The following CCDC40 variants were observed in gnomAD, a reference collection of about 807,000 sequenced individuals.
CCDC40 encodes the protein coiled-coil domain-containing protein 40.
In CCDC40, 104 loss-of-function variants were observed where a neutral mutation model predicts 124.5. The ratio of observed to expected loss-of-function variants is 0.84; its 90% CI spans 0.71 to 0.98. The LOEUF (loss-of-function observed/expected upper bound fraction) is 0.98. Among genes scored for constraint, CCDC40 ranks in the 50% least tolerant of loss-of-function variants. The pLI is 0.00. For missense variants in CCDC40, 1,463 were observed against 1,503.9 expected (o/e 0.97, Z 0.45); for synonymous variants, 580 against 602.9 (o/e 0.96, Z 0.56).
At chr17:80,037,646 C>T (rs1391775770) in intron 1 of CCDC40, among the ~76,000 whole-genome samples, 1 of 137,938 alleles carries the variant, frequency 7.2e-6, no homozygotes, top group Non-Finnish European at 1.5e-5. Flanking sequence ...ATCTATATTC[C>T]TTTGACAGAT....
intron 10 of CCDC40, chr17:80,067,500 A>T: frequency 8.4e-7 from 1 of 1,188,282 alleles, no homozygotes; most frequent in Non-Finnish European, 1.2e-6. Flanking sequence ...TTTTCCATTT[A>T]ACAGCGTGTC....
chr17:80,099,970 C>A lies in CCDC40; in HGVS notation c.*195C>A. 3.2e-6 allele frequency: 2 copies of A among 631,664 alleles called. No individual in the cohort carries two copies. The highest frequency in any genetic ancestry group is 2.8e-5 in the Admixed American group (1 of 35,112). The allele number at this position is 631,664 out of a possible 1,614,324, so 39.1% of individuals were successfully genotyped here. A position where few individuals can be genotyped will look rare whatever the true frequency, so the allele number is the denominator to read the frequency against. On this transcript the variant is annotated 3_prime_UTR_variant, in exon 20 of 20. Transcript: ENST00000397545. ...AGCAATTTAATAAACCAGGTAAAAT[C>A]CTAGCGTTTCCCATGGCATCCCATC...
At chr17:80,090,928 C>A in intron 17 of CCDC40, 1 of 582,944 alleles carries the variant, frequency 1.7e-6, no homozygotes, top group Non-Finnish European at 2.3e-6. Flanking sequence ...ACAGAAGCCA[C>A]ATGTATTTGC....
chr17:80,090,313 A>C (rs1567813745), intron 17 of CCDC40: 7 of 1,332,436 alleles, frequency 5.3e-6, no homozygotes, highest in South Asian at 4.7e-5. Flanking sequence ...GTGCACGAAC[A>C]ACACGGGACG....
At chr17:80,097,195 G>T in intron 18 of CCDC40, 50 bp from the exon 19 acceptor site, 2 of 1,605,174 alleles carry the variant, frequency 1.2e-6, no homozygotes, top group Non-Finnish European at 8.5e-7. Flanking sequence ...TTCCCTGTCC[G>T]CCAAGTAGCC....
At chr17:80,065,460 C>G in intron 9 of CCDC40, 25 bp from the exon 10 acceptor site, 3 of 1,612,910 alleles carry the variant, frequency 1.9e-6, no homozygotes, top group Non-Finnish European at 2.5e-6. Flanking sequence ...ACAGCCATTC[C>G]TGCCCCCTCC....
At chr17:80,075,439 A>G (rs1258104172) in intron 10 of CCDC40, among the ~76,000 whole-genome samples, 2 of 152,040 alleles carry the variant, frequency 1.3e-5, no homozygotes, top group East Asian at 3.9e-4. Context: ...CACTACGCCC[A>G]ACTAATTTTA....
intron 10 of CCDC40, among the ~76,000 whole-genome samples, chr17:80,072,622 C>T (rs917679111): frequency 3.3e-5 from 5 of 152,186 alleles, no homozygotes; most frequent in Admixed American, 2.0e-4. Context: ...GCTGTGCCGC[C>T]TTCTGTGCCT....
rs1395558462 is a variant in CCDC40 at position 80,087,986 on chromosome 17, C to T, written c.2620-25C>T. Reference sequence around the variant, plus strand: ...CACAATCCCATGGCCCTCCCCACAGCTGTCCCGCCCCCTCCCCCATGCAGG... The same window carrying T: ...CACAATCCCATGGCCCTCCCCACAGTTGTCCCGCCCCCTCCCCCATGCAGG... On this transcript the variant is annotated intron_variant, in intron 15 of 19. Transcript: ENST00000397545. The surrounding 1 kb of genome is among the most constrained non-coding windows in gnomAD (Gnocchi z 4.5). The T allele has an allele frequency of 1.3e-6, 2 of 1,552,746 alleles. No homozygotes were observed. Among genetic ancestry groups the T allele is most frequent in the Admixed American group, 1.7e-5 (1 of 59,944 alleles).
In CCDC40 at chr17:80,048,688, G is replaced by A; in HGVS notation, c.782G>A (p.Arg261Lys). The A allele has an allele frequency of 1.2e-6, 2 of 1,614,140 alleles. No homozygotes were observed. Among genetic ancestry groups the A allele is most frequent in the South Asian group, 1.1e-5 (1 of 91,084 alleles). The change falls in exon 5 of 20, where the codon AGA becomes AAA. Residue 261 changes from arginine to lysine, a missense_variant. By Grantham distance (26) the Arg-to-Lys change is conservative. Transcript: ENST00000397545. ...ACCGAGGAGGGGGCCATGGCAGAGAGAGTGGAGTCCGAGGGGAGTGACGAG... is the reference window on the plus strand; with the variant it reads ...ACCGAGGAGGGGGCCATGGCAGAGAAAGTGGAGTCCGAGGGGAGTGACGAG... ...PSTEEGAMAE[R>K]VESEGSDEEA...
intron 17 of CCDC40, 80 bp from the exon 18 acceptor site, chr17:80,095,183 G>T: frequency 7.3e-7 from 1 of 1,364,946 alleles, no homozygotes; most frequent in Non-Finnish European, 1.0e-6. Context: ...GAGGATGAGC[G>T]AGGCCAGCGC....
chr17:80,099,217 G>A (rs2038867803), intron 19 of CCDC40, among the ~76,000 whole-genome samples: 1 of 151,990 alleles, frequency 6.6e-6, no homozygotes, highest in African/African-American at 2.4e-5. Context: ...CGTGAACCCG[G>A]GAGGCGGAGC....
rs770564150 is a variant in CCDC40, at chr17:80,040,208, G to C, written c.490G>C (p.Gly164Arg). 27 of 1,613,908 alleles carry C rather than the reference G, an allele frequency of 1.7e-5. No individual in the cohort carries two copies. Among genetic ancestry groups the C allele is most frequent in the Admixed American group, 8.3e-5 (5 of 59,984 alleles). Reference sequence around the variant, plus strand: ...GGTCACCTCCCCAGAGCCATCCCACGGAGTCTTAGGCCCGTCGGAGCAAAT... The same window carrying C: ...GGTCACCTCCCCAGAGCCATCCCACCGAGTCTTAGGCCCGTCGGAGCAAAT... ...RRVTSPEPSH[G>R]VLGPSEQMGQ... The change falls in exon 3 of 20, where the codon GGA (glycine) becomes CGA (arginine). Residue 164 changes from glycine to arginine, a missense_variant. By Grantham distance (125) the Gly-to-Arg change is moderately radical. Transcript: ENST00000397545.
At chr17:80,062,380 T>A (rs2037924584) in intron 9 of CCDC40, among the ~76,000 whole-genome samples, 1 of 152,118 alleles carries the variant, frequency 6.6e-6, no homozygotes. Context: ...TGTATACATG[T>A]GCCATGCTGG....
chr17:80,037,688 A>AAAATATATATAT lies in CCDC40; in HGVS notation c.30-434_30-433insAATATATATATA. ...AGCTTGAATCTTTAATTTTTTAAAA[A>AAAATATATATAT]AGATATACATATATATATATATATA... is the stretch of plus-strand genomic sequence containing the variant. On this transcript the variant is annotated intron_variant, in intron 1 of 19. Transcript: ENST00000397545. Among the ~76,000 whole-genome samples the AAAATATATATAT allele has an allele frequency of 6.1e-4, 28 of 45,674 alleles. 1 individual carries two copies. The highest frequency in any genetic ancestry group is 1.6e-3 in the African/African-American group (27 of 16,940). The allele number at this position is 45,674 out of a possible 152,430, so 30.0% of individuals were successfully genotyped here.
At chr17:80,096,790 C>G (rs191240053) in intron 18 of CCDC40, among the ~76,000 whole-genome samples, 31 of 152,378 alleles carry the variant, frequency 2.0e-4, no homozygotes, top group Non-Finnish European at 3.7e-4. Flanking sequence ...CCCGGCTTTT[C>G]TTTCTCTTAA....
chr17:80,065,810 C>T (rs916168355), intron 10 of CCDC40, among the ~76,000 whole-genome samples: 2 of 152,176 alleles, frequency 1.3e-5, no homozygotes, highest in Non-Finnish European at 2.9e-5. Flanking sequence ...AACACTGCGG[C>T]GCTGGGAGGG....
rs941703923 is a variant in CCDC40, at chr17:80,100,085, C to G, written c.*310C>G. 9.6e-6 allele frequency: 4 copies of G among 416,468 alleles called. No individual in the cohort carries two copies. Among genetic ancestry groups the G allele is most frequent in the Admixed American group, 7.3e-5 (2 of 27,310 alleles). The allele number at this position is 416,468 out of a possible 1,614,324, so 25.8% of individuals were successfully genotyped here. A position where few individuals can be genotyped will look rare whatever the true frequency, so the allele number is the denominator to read the frequency against. On this transcript the variant is annotated 3_prime_UTR_variant, in exon 20 of 20. Coordinates refer to ENST00000397545, the MANE Select transcript of CCDC40 (RefSeq NM_017950.4). ...AGGTAACACTTTGGTTTGCAGCACT[C>G]CCAAATCTGCACGTGCCTCTCACAA... is the stretch of plus-strand genomic sequence containing the variant.
rs760025954 is a variant in CCDC40, at chr17:80,048,772, C to T, written c.855+11C>T. 14 of 1,599,436 alleles carry T rather than the reference C, an allele frequency of 8.8e-6. No homozygotes were observed. Among genetic ancestry groups the T allele is most frequent in the African/African-American group, 4.0e-5 (3 of 74,636 alleles). On this transcript the variant is annotated intron_variant, in intron 5 of 19. Coordinates refer to ENST00000397545, the MANE Select transcript of CCDC40 (RefSeq NM_017950.4). ...TTGGACCCAGACCACGTAAGGAAGC[C>T]TTCCCAGGTTTTGCTTTTGCCTACA...
Sources: allele counts gnomAD v4.1 joint callset (sites outside exome capture counted in the v4.1 genomes callset), GRCh38; gene constraint gnomAD v4.1.1; non-coding constraint Gnocchi (gnomAD v3.1); transcripts MANE v1.5; gene names NCBI Gene and HGNC (gene_info 2026-07-23, HGNC 2026-07-21).